SLC22A16: variants seen among roughly 807,000 people sequenced by gnomAD.
SLC22A16 encodes WUGSC:RG331P03.1.
SLC22A16 carries 53 observed loss-of-function variants against 52.9 expected under a neutral mutation model. The observed-to-expected ratio is 1.00, with a 90% CI of 0.80 to 1.26. SLC22A16 has a LOEUF of 1.26. Ranked by LOEUF, SLC22A16 falls within the 50% of genes most tolerant of loss-of-function variation. The pLI, the probability that SLC22A16 is intolerant of heterozygous loss-of-function variation, is 0.00. For missense variants in SLC22A16, 726 were observed against 704.0 expected (o/e 1.03, Z -0.35); for synonymous variants, 291 against 268.8 (o/e 1.08, Z -0.81).
rs139452129 is a variant in SLC22A16, at chr6:110,446,757, G to A, written c.651+116C>T. Reference sequence around the variant, plus strand: ...TGTAGGCAGACTTCTGCAGTGGAGTGGACAAAGATGAGTCCTTGATCTCGC... The same window carrying A: ...TGTAGGCAGACTTCTGCAGTGGAGTAGACAAAGATGAGTCCTTGATCTCGC... On this transcript the variant is annotated intron_variant, in intron 3 of 7. Transcript: ENST00000368919. 5.3e-4 allele frequency: 461 copies of A among 862,918 alleles called. No homozygotes were observed. In the African/African-American group the frequency reaches 5.7e-3, roughly 11 times the overall value. 53.5% of individuals were successfully genotyped at this position (862,918 alleles called of 1,614,324 possible).
At chr6:110,432,586 A>T (rs1774548943) in intron 6 of SLC22A16, among the ~76,000 whole-genome samples, 2 of 152,198 alleles carry the variant, frequency 1.3e-5, no homozygotes, top group South Asian at 4.1e-4. Context: ...GAAGGGTCCC[A>T]CAGGACATGA....
intron 7 of SLC22A16, among the ~76,000 whole-genome samples, chr6:110,427,022 C>A (rs1432954207): frequency 6.7e-6 from 1 of 150,362 alleles, no homozygotes; most frequent in Non-Finnish European, 1.5e-5. Context: ...GAGGCTAAGG[C>A]TGGCGGATCA....
chr6:110,452,810 T>G (rs1775436818), intron 2 of SLC22A16, among the ~76,000 whole-genome samples: 1 of 152,258 alleles, frequency 6.6e-6, no homozygotes, highest in African/African-American at 2.4e-5. Context: ...GAATGGATTT[T>G]GAAATTCATC....
intron 6 of SLC22A16, among the ~76,000 whole-genome samples, chr6:110,432,209 T>C (rs939798074): frequency 3.3e-5 from 5 of 152,184 alleles, no homozygotes; most frequent in African/African-American, 4.8e-5. Flanking sequence ...AAAGAAATCA[T>C]ACATAAGTAA....
chr6:110,446,994 A>G lies in SLC22A16; in HGVS notation c.534-4T>C, dbSNP rs753443547. The G allele has an allele frequency of 2.5e-6, 4 of 1,610,424 alleles. No individual in the cohort carries two copies. In the South Asian group the frequency reaches 4.4e-5, roughly 18 times the overall value. On this transcript the variant is annotated splice_region_variant and splice_polypyrimidine_tract_variant and intron_variant, in intron 2 of 7. Transcript: ENST00000368919. ...CAAGACCACCCGGCGTCCTAGCCTG[A>G]AAAATAAGAGTCACACAGTGGAAGA...
At chr6:110,464,592 T>C (rs1157391667) in intron 1 of SLC22A16, among the ~76,000 whole-genome samples, 3 of 151,358 alleles carry the variant, frequency 2.0e-5, no homozygotes, top group African/African-American at 4.8e-5. Context: ...TCAAGAGAAA[T>C]AGAAATTCTG....
rs1241508108 is a variant in SLC22A16 at position 110,454,723 on chromosome 6, T to C, written c.533+1815A>G. Among the ~76,000 whole-genome samples, 42 of 75,162 alleles carry C rather than the reference T, an allele frequency of 5.6e-4. 2 individuals are homozygous for C. The highest frequency in any genetic ancestry group is 2.3e-3 in the African/African-American group (40 of 17,660). The allele number at this position is 75,162 out of a possible 152,430, so 49.3% of individuals were successfully genotyped here. ...ATTTTTTGTATATATATTTTATATA[T>C]ATTATATGTACATATAATATATATA... On this transcript the variant is annotated intron_variant, in intron 2 of 7. Coordinates refer to ENST00000368919, the MANE Select transcript of SLC22A16 (RefSeq NM_033125.4).
intron 2 of SLC22A16, among the ~76,000 whole-genome samples, chr6:110,448,908 T>C (rs1775273760): frequency 6.6e-6 from 1 of 152,224 alleles, no homozygotes; most frequent in African/African-American, 2.4e-5. Flanking sequence ...CCACTTCCTC[T>C]GAAACCCTTC....
chr6:110,454,349 G>A (rs1178114761), intron 2 of SLC22A16, among the ~76,000 whole-genome samples: 1 of 151,440 alleles, frequency 6.6e-6, no homozygotes, highest in Non-Finnish European at 1.5e-5. Flanking sequence ...CAGACACTGG[G>A]AGTCAGGGAC....
At chr6:110,429,912 T>G (rs2114885259) in intron 7 of SLC22A16, among the ~76,000 whole-genome samples, 1 of 151,408 alleles carries the variant, frequency 6.6e-6, no homozygotes, top group East Asian at 2.0e-4. Context: ...GGAGGTGGGA[T>G]GAGGACAGGG....
chr6:110,439,031 G>T (rs1386697586), intron 4 of SLC22A16, among the ~76,000 whole-genome samples, 184 bp from the exon 5 acceptor site: 1 of 152,228 alleles, frequency 6.6e-6, no homozygotes, highest in African/African-American at 2.4e-5. Context: ...CTACAGTAAA[G>T]ATGAGCGTTT....
In SLC22A16 at chr6:110,448,376, C is replaced by T. The variant is rs74913285; in HGVS notation, c.534-1386G>A. On this transcript the variant is annotated intron_variant, in intron 2 of 7. Transcript: ENST00000368919. ...TTTTTAATATTGAGTTGTAAGAGCT[C>T]TTTATATATTCTGGATACTAGACCC... Among the ~76,000 whole-genome samples the T allele has an allele frequency of 5.3e-3, 802 of 152,234 alleles. 1 individual carries two copies. The highest frequency in any genetic ancestry group is 0.02 in the Middle Eastern group (6 of 294).
chr6:110,474,879 C>T (rs1343280219), intron 1 of SLC22A16: 1 of 514,122 alleles, frequency 1.9e-6, no homozygotes, highest in African/African-American at 1.9e-5. Flanking sequence ...AATATAATTA[C>T]CTCAGCTAAT....
chr6:110,468,832 C>T (rs113302886), intron 1 of SLC22A16, among the ~76,000 whole-genome samples: 1 of 152,148 alleles, frequency 6.6e-6, no homozygotes, highest in African/African-American at 2.4e-5. Context: ...TGGTGCTGAC[C>T]CTCACACCTG....
chr6:110,471,056 C>T (rs1776243866), intron 1 of SLC22A16, among the ~76,000 whole-genome samples: 2 of 152,124 alleles, frequency 1.3e-5, no homozygotes, highest in African/African-American at 4.8e-5. Context: ...AGGTATCTAC[C>T]CAGCGAAATG....
intron 1 of SLC22A16, among the ~76,000 whole-genome samples, chr6:110,458,957 A>G (rs1406223140): frequency 2.0e-5 from 3 of 152,044 alleles, no homozygotes; most frequent in Non-Finnish European, 2.9e-5. Context: ...CTTTATAACC[A>G]TGTAAGCCAA....
intron 1 of SLC22A16, among the ~76,000 whole-genome samples, chr6:110,468,797 G>T (rs1776162916): frequency 6.6e-6 from 1 of 152,144 alleles, no homozygotes; most frequent in Admixed American, 6.5e-5. Context: ...GACCCCACAG[G>T]CTAACATCTT....
chr6:110,459,729 G>T (rs190521384), intron 1 of SLC22A16, among the ~76,000 whole-genome samples: 70 of 152,198 alleles, frequency 4.6e-4, no homozygotes, highest in Middle Eastern at 3.4e-3. Context: ...CTGGGTGAGG[G>T]TCATATGGGG....
intron 1 of SLC22A16, among the ~76,000 whole-genome samples, chr6:110,462,292 C>T (rs184455138): frequency 1.8e-4 from 27 of 152,232 alleles, no homozygotes; most frequent in African/African-American, 5.5e-4. Flanking sequence ...TCCAGCTATA[C>T]AAAAAGACAA....
Sources: allele counts gnomAD v4.1 joint callset (sites outside exome capture counted in the v4.1 genomes callset), GRCh38; gene constraint gnomAD v4.1.1; transcripts MANE v1.5; gene names NCBI Gene and HGNC (gene_info 2026-07-23, HGNC 2026-07-21).